Variants in PHACTR4 observed in about 807,000 individuals in gnomAD.
PHACTR4 encodes protein phosphatase 1, regulatory subunit 124.
In PHACTR4, 51 loss-of-function variants were observed where a neutral mutation model predicts 72.7. That is an observed-to-expected ratio of 0.70 (90% CI 0.56 to 0.89). PHACTR4 has a LOEUF of 0.89. Among genes scored for constraint, PHACTR4 ranks in the 40% least tolerant of loss-of-function variants. The probability of loss-of-function intolerance (pLI) is 0.00; values close to 1 mark genes in which losing one functional copy is unlikely to be tolerated. For missense variants in PHACTR4, 731 were observed against 861.8 expected (o/e 0.85, Z 1.90); for synonymous variants, 255 against 302.5 (o/e 0.84, Z 1.63).
At chr1:28,481,407 T>G (rs1660270607) in intron 9 of PHACTR4, 1 of 152,138 alleles carries the variant, frequency 6.6e-6, no homozygotes, top group Non-Finnish European at 1.5e-5. Context: ...TTGACAAGGA[T>G]GGAAGAGGCC....
At chr1:28,456,839 A>C (rs2124460933) in intron 2 of PHACTR4, among the ~76,000 whole-genome samples, 1 of 149,558 alleles carries the variant, frequency 6.7e-6, no homozygotes, top group South Asian at 2.3e-4. Flanking sequence ...GTGAGCTGTG[A>C]TTGTGCCACT....
intron 2 of PHACTR4, among the ~76,000 whole-genome samples, chr1:28,449,204 G>A (rs2124437665): frequency 6.6e-6 from 1 of 152,174 alleles, no homozygotes; most frequent in Admixed American, 6.5e-5. Flanking sequence ...CACCCCTAGA[G>A]CCCCAGTGAC....
intron 4 of PHACTR4, among the ~76,000 whole-genome samples, chr1:28,461,681 A>G (rs903771689): frequency 6.7e-6 from 1 of 149,634 alleles, no homozygotes; most frequent in African/African-American, 2.6e-5. Flanking sequence ...AGGTGGGAAC[A>G]TGGGTGGGCT....
At position 28,499,462 on chromosome 1, in the gene PHACTR4, A is replaced by T. The variant is rs12144267; in HGVS notation, c.*2913A>T. On this transcript the variant is annotated 3_prime_UTR_variant, in exon 14 of 14. Transcript: ENST00000373839. ...CCTTGAAGTTTTTTGTTTGGTTTTG[A>T]TTTGTTTTGTTTTGTTTTGTTTTGT... is the stretch of plus-strand genomic sequence containing the variant. 3 of 149,130 alleles carry T rather than the reference A, an allele frequency of 2.0e-5. No homozygotes were observed. Among genetic ancestry groups the T allele is most frequent in the African/African-American group, 2.5e-5 (1 of 39,916 alleles). The allele number at this position is 149,130 out of a possible 1,614,324, so 9.2% of individuals were successfully genotyped here.
chr1:28,439,757 G>A (rs1215133855), intron 2 of PHACTR4, among the ~76,000 whole-genome samples: 1 of 152,034 alleles, frequency 6.6e-6, no homozygotes, highest in African/African-American at 2.4e-5. Flanking sequence ...TTGCTTCTTT[G>A]TTTCCAGAAT....
At chr1:28,491,914 C>G (rs752775359) in intron 12 of PHACTR4, 127 bp downstream of exon 12, 56 of 1,193,362 alleles carry the variant, frequency 4.7e-5, no homozygotes, top group Non-Finnish European at 6.1e-5. Flanking sequence ...TATTAAATTT[C>G]AAATCAAGAT....
chr1:28,372,866 A>G (rs992631891), intron 1 of PHACTR4, among the ~76,000 whole-genome samples: 1 of 151,072 alleles, frequency 6.6e-6, no homozygotes, highest in African/African-American at 2.5e-5. Context: ...AAAAAAAAAA[A>G]CACAGAAATA....
intron 13 of PHACTR4, among the ~76,000 whole-genome samples, chr1:28,493,716 T>A (rs1661174887): frequency 6.6e-6 from 1 of 152,120 alleles, no homozygotes; most frequent in Admixed American, 6.6e-5. Context: ...AGAACCAGGA[T>A]TCGGAGAAAG....
chr1:28,451,471 A>G (rs1365332256), intron 2 of PHACTR4, among the ~76,000 whole-genome samples: 1 of 147,306 alleles, frequency 6.8e-6, no homozygotes, highest in Non-Finnish European at 1.5e-5. Context: ...AGGTGCAATG[A>G]TACATATCAC....
intron 1 of PHACTR4, among the ~76,000 whole-genome samples, chr1:28,399,833 G>T (rs867722440): frequency 6.6e-6 from 1 of 152,148 alleles, no homozygotes; most frequent in African/African-American, 2.4e-5. Context: ...CCAAGGAAAG[G>T]CCTCTCTGAG....
intron 9 of PHACTR4, among the ~76,000 whole-genome samples, chr1:28,481,097 T>A (rs1185703677): frequency 2.0e-5 from 3 of 152,084 alleles, no homozygotes; most frequent in Non-Finnish European, 4.4e-5. Context: ...AGTGGTTCAA[T>A]CATGGCTCAC....
chr1:28,458,022 G>T (rs1484195675), intron 2 of PHACTR4, among the ~76,000 whole-genome samples: 4 of 151,176 alleles, frequency 2.6e-5, no homozygotes, highest in African/African-American at 9.7e-5. Context: ...TCATTATGAG[G>T]GGTTCATGGC....
chr1:28,405,417 C>T (rs978539263), intron 1 of PHACTR4, among the ~76,000 whole-genome samples: 1 of 151,926 alleles, frequency 6.6e-6, no homozygotes, highest in Non-Finnish European at 1.5e-5. Context: ...ACCTCCGACT[C>T]CCAGGTTCAA....
In PHACTR4 at chr1:28,473,599, C is replaced by G. The variant is rs200234997; in HGVS notation, c.869C>G (p.Pro290Arg). Residue 290 changes from proline (P) to arginine (R), a missense_variant, in exon 7 of 14, where the codon CCG becomes CGG. Pro to Arg is a moderately radical substitution (Grantham distance 103, BLOSUM62 -2). This residue lies in a region of PHACTR4 where 621 missense variants were observed against 676.6 expected (regional missense o/e 0.92). Transcript: ENST00000373839. Reference protein sequence around the residue: ...AINSGTLLSKPSPPLPPKRGI... With the variant: ...AINSGTLLSKRSPPLPPKRGI... The stretch of plus-strand genomic sequence containing the variant: ...AACAGTGGTACATTGTTATCAAAAC[C>G]GTCCCCACCCTTACCACCTAAGAGA... 1 of 1,613,598 alleles carries G rather than the reference C, an allele frequency of 6.2e-7. No homozygotes were observed. Among genetic ancestry groups the G allele is most frequent in the Admixed American group, 1.7e-5 (1 of 59,946 alleles).
intron 2 of PHACTR4, among the ~76,000 whole-genome samples, chr1:28,423,031 C>T (rs191102831): frequency 8.5e-5 from 13 of 152,328 alleles, no homozygotes; most frequent in African/African-American, 1.4e-4. Context: ...TCAGGTAATC[C>T]GCCTGCCTCC....
At chr1:28,382,663 G>A (rs531586802) in intron 1 of PHACTR4, among the ~76,000 whole-genome samples, 3 of 151,974 alleles carry the variant, frequency 2.0e-5, no homozygotes, top group South Asian at 4.2e-4. Context: ...TGTCTTCCAG[G>A]GTTTTTGTAG....
At chr1:28,450,974 C>CTTTTTTTCTTTTTTTTTTTTTTTT (rs1657915325) in intron 2 of PHACTR4, among the ~76,000 whole-genome samples, 1 of 72,076 alleles carries the variant, frequency 1.4e-5, no homozygotes, top group Non-Finnish European at 2.7e-5. Flanking sequence ...CCACACCCAG[C>CTTTTTTTCTTTTTTTTTTTTTTTT]TTTTTTTTTT....
At chr1:28,410,746 G>A (rs182776518) in intron 2 of PHACTR4, among the ~76,000 whole-genome samples, 7 of 151,746 alleles carry the variant, frequency 4.6e-5, no homozygotes, top group African/African-American at 1.7e-4. Flanking sequence ...TGCTCTTGTC[G>A]CCAAGGCTGG....
intron 1 of PHACTR4, among the ~76,000 whole-genome samples, chr1:28,394,607 T>C (rs1467929665): frequency 6.6e-6 from 1 of 151,620 alleles, no homozygotes; most frequent in South Asian, 2.1e-4. Context: ...TCTTTTTTTT[T>C]TTTTTGGAGA....
Sources: gnomAD v4.1 joint callset for allele counts (sites outside exome capture counted in the v4.1 genomes callset) on GRCh38, gnomAD v4.1.1 for gene constraint, gnomAD v4.1.1 regional missense constraint, MANE v1.5 for transcripts, NCBI Gene and HGNC (gene_info 2026-07-23, HGNC 2026-07-21) for gene names.